LYST: variants seen among roughly 807,000 people sequenced by gnomAD.
LYST encodes the protein lysosomal-trafficking regulator.
A neutral mutation model predicts 413.6 loss-of-function variants in LYST; 192 were observed. That is an observed-to-expected ratio of 0.46 (90% CI 0.41 to 0.52). The LOEUF is 0.52. Ranked by LOEUF, LYST falls within the 20% of genes least tolerant of loss-of-function variation. The pLI is 0.00. For missense variants in LYST, 3,815 were observed against 4,499.9 expected (o/e 0.85, Z 4.35); for synonymous variants, 1,525 against 1,567.3 (o/e 0.97, Z 0.64).
At chr1:235,748,758 A>T (rs1287688799) in intron 28 of LYST, among the ~76,000 whole-genome samples, 1 of 152,172 alleles carries the variant, frequency 6.6e-6, no homozygotes, top group East Asian at 1.9e-4. Flanking sequence ...CTAGCAATGC[A>T]AGAACTTAAG....
intron 40 of LYST, 128 bp from the exon 41 acceptor site, chr1:235,716,906 A>G (rs1662892795): frequency 1.6e-6 from 1 of 614,690 alleles, no homozygotes; most frequent in Admixed American, 2.9e-5. Context: ...CTCTGCTTAA[A>G]CATATTGTTT....
intron 12 of LYST, among the ~76,000 whole-genome samples, chr1:235,790,097 T>C (rs986278328): frequency 6.6e-6 from 1 of 152,218 alleles, no homozygotes; most frequent in South Asian, 2.1e-4. Context: ...TTCTAAAATA[T>C]GTTTTCTAAT....
chr1:235,675,835 A>G (rs1282995726), intron 50 of LYST, among the ~76,000 whole-genome samples: 1 of 152,224 alleles, frequency 6.6e-6, no homozygotes, highest in African/African-American at 2.4e-5. Context: ...ATTGAACTGC[A>G]TGGTGGGACA....
chr1:235,738,848 T>C lies in LYST; in HGVS notation c.8358+2574A>G. 3.9e-6 allele frequency: 3 copies of C among 771,684 alleles called. No homozygotes were observed. The Admixed American group carries it at 5.1e-5, about 13-fold the overall frequency. The allele number at this position is 771,684 out of a possible 1,614,324, so 47.8% of individuals were successfully genotyped here. On this transcript the variant is annotated intron_variant, in intron 31 of 52. Coordinates refer to ENST00000389793, the MANE Select transcript of LYST (RefSeq NM_000081.4). ...CCATGATTGGTGGAATAAAGGATGA[T>C]GTCTTCCTTAGCATTCCTTGCATCT... is the stretch of plus-strand genomic sequence containing the variant.
At chr1:235,874,891 C>A (rs1049735084) in intron 1 of LYST, among the ~76,000 whole-genome samples, 9 of 152,124 alleles carry the variant, frequency 5.9e-5, no homozygotes, top group African/African-American at 2.2e-4. Flanking sequence ...TGTCCAGAAA[C>A]AACTGACAGC....
At chr1:235,708,348 A>G (rs949275840) in intron 44 of LYST, among the ~76,000 whole-genome samples, 5 of 152,184 alleles carry the variant, frequency 3.3e-5, no homozygotes, top group Admixed American at 3.3e-4. Context: ...TGCCATTTTA[A>G]AGTAGAACAT....
upstream of LYST, among the ~76,000 whole-genome samples, chr1:235,868,327 T>C (rs1181313258): frequency 6.6e-6 from 1 of 152,098 alleles, no homozygotes; most frequent in African/African-American, 2.4e-5. Flanking sequence ...GCACCTACAA[T>C]GCGCTAAGTA....
rs113799576 is a variant in LYST, at chr1:235,701,136, G to A, written c.10374+1611C>T. Among the ~76,000 whole-genome samples the A allele has an allele frequency of 5.0e-3, 763 of 152,310 alleles. 14 individuals are homozygous for A. The highest frequency in any genetic ancestry group is 0.016 in the African/African-American group (681 of 41,564). ...AGCAAACTGGGGATATATCTGGGGA[G>A]TGGTTATTCCAGGTGGAGCAAAGAG... On this transcript the variant is annotated intron_variant, in intron 45 of 52. Transcript: ENST00000389793.
chr1:235,830,406 G>A lies in LYST; in HGVS notation c.12C>T (p.Asp4=). The A allele has an allele frequency of 6.2e-7, 1 of 1,612,814 alleles. No homozygotes were observed. The highest frequency in any genetic ancestry group is 8.5e-7 in the Non-Finnish European group (1 of 1,179,232). Residue 4 remains aspartate, a synonymous_variant, in exon 3 of 53, where the codon GAC becomes GAT. Coordinates refer to ENST00000389793, the MANE Select transcript of LYST (RefSeq NM_000081.4). MST[D]SNSLAREFLT... ...GAAATTCACGTGCCAGTGAGTTACT[G>A]TCGGTGCTCATGACCGAGCTATAAA...
chr1:235,786,903 G>A (rs1029857452), intron 14 of LYST, among the ~76,000 whole-genome samples: 43 of 111,976 alleles, frequency 3.8e-4, no homozygotes, highest in African/African-American at 1.2e-3. Flanking sequence ...CTGTCGTGGG[G>A]TGGGGGGAGG....
intron 45 of LYST, among the ~76,000 whole-genome samples, chr1:235,700,246 T>C (rs1404632309): frequency 2.6e-5 from 4 of 152,094 alleles, no homozygotes; most frequent in African/African-American, 9.7e-5. Flanking sequence ...GGGATCTAAT[T>C]AAAGAGCTTC....
intron 6 of LYST, 22 bp downstream of exon 6, chr1:235,805,721 T>G: frequency 6.5e-7 from 1 of 1,543,320 alleles, no homozygotes; most frequent in Non-Finnish European, 9.0e-7. Context: ...ACATAAGAGT[T>G]GGACTAAGGA....
chr1:235,695,267 T>A (rs1007148702), intron 46 of LYST, among the ~76,000 whole-genome samples: 1 of 152,252 alleles, frequency 6.6e-6, no homozygotes, highest in Non-Finnish European at 1.5e-5. Context: ...TCCTACTTTA[T>A]AGATCAAAAG....
At chr1:235,749,509 G>A (rs1405290433) in intron 28 of LYST, among the ~76,000 whole-genome samples, 3 of 152,082 alleles carry the variant, frequency 2.0e-5, no homozygotes, top group Non-Finnish European at 4.4e-5. Flanking sequence ...ACACAAAGGG[G>A]TGAGTATAGG....
intron 3 of LYST, among the ~76,000 whole-genome samples, chr1:235,825,573 C>T (rs778849192): frequency 1.3e-5 from 2 of 152,034 alleles, no homozygotes; most frequent in Non-Finnish European, 1.5e-5. Context: ...AATTTAAATA[C>T]CATTTATAAT....
At chr1:235,797,221 T>A (rs1271322980) in intron 10 of LYST, among the ~76,000 whole-genome samples, 1 of 152,094 alleles carries the variant, frequency 6.6e-6, no homozygotes, top group Admixed American at 6.6e-5. Flanking sequence ...CAAATGTCCA[T>A]CAACTGATGA....
intron 49 of LYST, 45 bp downstream of exon 49, chr1:235,677,435 A>G (rs1659470527): frequency 6.3e-7 from 1 of 1,590,954 alleles, no homozygotes; most frequent in Non-Finnish European, 8.6e-7. Context: ...GTAAAAATGG[A>G]TATATTAAAA....
rs751429062 is a variant in LYST, at chr1:235,753,171, G to T, written c.7333C>A (p.His2445Asn). The T allele has an allele frequency of 4.4e-6, 7 of 1,606,384 alleles. No individual in the cohort carries two copies. In the South Asian group the frequency reaches 7.7e-5, roughly 18 times the overall value. Residue 2445 changes from histidine to asparagine, a missense_variant, in exon 26 of 53, where the codon CAT becomes AAT. His to Asn is a moderately conservative substitution (Grantham distance 68). This residue lies in a region of LYST where 771 missense variants were observed against 837.1 expected (regional missense o/e 0.92). Coordinates refer to ENST00000389793, the MANE Select transcript of LYST (RefSeq NM_000081.4). ...ETSLYDNILL[H>N]NALLLLLQIL... Reference sequence around the variant, plus strand: ...TGGAGAAGAAGTAAAAGAGCATTATGCAAGAGTATGTTGTCATATAGAGAG... The same window carrying T: ...TGGAGAAGAAGTAAAAGAGCATTATTCAAGAGTATGTTGTCATATAGAGAG...
At chr1:235,712,403 G>A in intron 42 of LYST, 1 of 462,302 alleles carries the variant, frequency 2.2e-6, no homozygotes, top group South Asian at 3.2e-5. Flanking sequence ...TCTGTATTAT[G>A]CTTTTGTAAT....
Sources: allele counts gnomAD v4.1 joint callset (sites outside exome capture counted in the v4.1 genomes callset), GRCh38; gene constraint gnomAD v4.1.1; regional missense constraint gnomAD v4.1.1; transcripts MANE v1.5; gene names NCBI Gene and HGNC (gene_info 2026-07-23, HGNC 2026-07-21).